The following RERG variants were observed in gnomAD, a reference collection of about 807,000 sequenced individuals.
The protein encoded by RERG is RAS like estrogen regulated growth inhibitor, also known as ras-related and estrogen-regulated growth inhibitor.
A neutral mutation model predicts 23.2 loss-of-function variants in RERG; 25 were observed. That is an observed-to-expected ratio of 1.08 (90% CI 0.79 to 1.50). RERG has a LOEUF of 1.50. Ranked by LOEUF, RERG falls within the 40% of genes most tolerant of loss-of-function variation. RERG has a pLI of 0.00. For synonymous variants in RERG, 81 were observed against 89.1 expected, an observed-to-expected ratio of 0.91 and a Z score of 0.51; for missense variants, 253 against 250.1, an observed-to-expected ratio of 1.01 and a Z score of -0.08.
At chr12:15,216,249 G>A (rs1865439153) in intron 2 of RERG, among the ~76,000 whole-genome samples, 1 of 152,230 alleles carries the variant, frequency 6.6e-6, no homozygotes, top group South Asian at 2.1e-4. Flanking sequence ...ATCTTGTGAA[G>A]GCTGGCAGTT....
intron 2 of RERG, among the ~76,000 whole-genome samples, chr12:15,184,613 A>T (rs547120984): frequency 3.9e-5 from 6 of 152,184 alleles, no homozygotes; most frequent in Non-Finnish European, 8.8e-5. Context: ...AAACCTGGGA[A>T]CACAGTGTGT....
At chr12:15,149,877 C>T (rs1864408527) in intron 2 of RERG, among the ~76,000 whole-genome samples, 1 of 152,242 alleles carries the variant, frequency 6.6e-6, no homozygotes, top group African/African-American at 2.4e-5. Flanking sequence ...ATCCTCGTTT[C>T]GTGACTATGA....
At chr12:15,159,792 C>A (rs1231122044) in intron 2 of RERG, among the ~76,000 whole-genome samples, 1 of 152,122 alleles carries the variant, frequency 6.6e-6, no homozygotes, top group Non-Finnish European at 1.5e-5. Context: ...CCACTGCACT[C>A]CAGCCTGGGC....
rs534546327 is a variant in RERG, at chr12:15,136,356, T to G, written c.62-15237A>C. On this transcript the variant is annotated intron_variant, in intron 2 of 4. Coordinates refer to ENST00000256953, the MANE Select transcript of RERG (RefSeq NM_032918.3). ...TTCAAATAATTAATGTTTAGTTTTGTTAATTTTTCTATAGATATTCTATTT... is the reference window on the plus strand; with the variant it reads ...TTCAAATAATTAATGTTTAGTTTTGGTAATTTTTCTATAGATATTCTATTT... 2.6e-5 allele frequency among the ~76,000 whole-genome samples: 4 copies of G among 152,156 alleles called. No homozygotes were observed. The South Asian group carries it at 8.3e-4, about 32-fold the overall frequency.
intron 4 of RERG, among the ~76,000 whole-genome samples, chr12:15,110,728 T>G (rs1035553092): frequency 2.6e-5 from 4 of 152,090 alleles, no homozygotes; most frequent in African/African-American, 2.4e-5. Context: ...TCTGCCAGCC[T>G]TGGCCTCCCA....
Position 15,155,785 on chromosome 12 carries a change from G to T in RERG, c.62-34666C>A, listed in dbSNP as rs533129855. On this transcript the variant is annotated intron_variant, in intron 2 of 4. Coordinates refer to ENST00000256953, the MANE Select transcript of RERG (RefSeq NM_032918.3). ...TATTCTCCACTAGGGCTACCATGAAGTTTATATTATAGAGCTGGATCTTTC... is the reference window on the plus strand; with the variant it reads ...TATTCTCCACTAGGGCTACCATGAATTTTATATTATAGAGCTGGATCTTTC... 7.9e-5 allele frequency among the ~76,000 whole-genome samples: 12 copies of T among 152,214 alleles called. No individual in the cohort carries two copies. The East Asian group carries it at 1.5e-3, about 20-fold the overall frequency.
intron 2 of RERG, among the ~76,000 whole-genome samples, chr12:15,128,872 G>T (rs1195233366): frequency 6.6e-6 from 1 of 152,052 alleles, no homozygotes; most frequent in Non-Finnish European, 1.5e-5. Flanking sequence ...CCTCCAAATC[G>T]AATTTTCCAA....
At chr12:15,212,681 A>C (rs1344158426) in intron 2 of RERG, among the ~76,000 whole-genome samples, 1 of 152,120 alleles carries the variant, frequency 6.6e-6, no homozygotes, top group Non-Finnish European at 1.5e-5. Flanking sequence ...TAAAACACAA[A>C]ATGTAGTTCT....
chr12:15,214,791 G>C (rs1368278196), intron 2 of RERG, among the ~76,000 whole-genome samples: 2 of 152,158 alleles, frequency 1.3e-5, no homozygotes, highest in African/African-American at 4.8e-5. Flanking sequence ...TGGCTGCAGT[G>C]AGCTATGATC....
At chr12:15,121,002 A>C in intron 3 of RERG, 61 bp downstream of exon 3, 2 of 1,194,790 alleles carry the variant, frequency 1.7e-6, no homozygotes, top group Non-Finnish European at 2.5e-6. Context: ...AGAAAACATT[A>C]TTCTTTCTTT....
intron 2 of RERG, among the ~76,000 whole-genome samples, chr12:15,200,729 C>T (rs1371408340): frequency 6.6e-6 from 1 of 151,950 alleles, no homozygotes; most frequent in Non-Finnish European, 1.5e-5. Context: ...ATTTTGAACA[C>T]ATATCATCAT....
intron 2 of RERG, among the ~76,000 whole-genome samples, chr12:15,210,604 A>G (rs1456293353): frequency 6.6e-6 from 1 of 151,958 alleles, no homozygotes; most frequent in Non-Finnish European, 1.5e-5. Flanking sequence ...TTATTTTCCT[A>G]TGCCCTCTTA....
chr12:15,199,117 A>G (rs12366317), intron 2 of RERG, among the ~76,000 whole-genome samples: 17,640 of 152,136 alleles, frequency 0.12, 1,058 homozygotes, highest in Middle Eastern at 0.15. Flanking sequence ...AAGGTCCTCA[A>G]TATTCTCAAC....
chr12:15,169,920 ATGTGTGTGTGTG>A lies in RERG; in HGVS notation c.61+47497_61+47508del, dbSNP rs61079713. On this transcript the variant is annotated intron_variant, in intron 2 of 4. Transcript: ENST00000256953. ...GAAGGACACACGTCATCTGCTAAAA[ATGTGTGTGTGTG>A]TGTGTGTGTGTGTGTGTGTGTGTGT... 6.2e-4 allele frequency among the ~76,000 whole-genome samples: 85 copies of A among 137,694 alleles called. 1 individual carries two copies. Among genetic ancestry groups the A allele is most frequent in the South Asian group, 2.9e-3 (12 of 4,090 alleles). 90.3% of individuals were successfully genotyped at this position (137,694 alleles called of 152,430 possible).
At chr12:15,122,635 T>C (rs187950149) in intron 2 of RERG, among the ~76,000 whole-genome samples, 53 of 152,334 alleles carry the variant, frequency 3.5e-4, no homozygotes, top group Admixed American at 5.9e-4. Context: ...GAGTCTGTCA[T>C]TGTCATTCTC....
intron 4 of RERG, among the ~76,000 whole-genome samples, chr12:15,110,406 A>G (rs1863583318): frequency 1.3e-5 from 2 of 148,502 alleles, no homozygotes; most frequent in African/African-American, 5.0e-5. Flanking sequence ...GTCACAGGTA[A>G]TTGATAAAGT....
chr12:15,199,694 C>G (rs1267879604), intron 2 of RERG, among the ~76,000 whole-genome samples: 1 of 152,084 alleles, frequency 6.6e-6, no homozygotes, highest in Non-Finnish European at 1.5e-5. Flanking sequence ...CACACACTCA[C>G]TCATATACAC....
chr12:15,138,436 A>C (rs1188318411), intron 2 of RERG, among the ~76,000 whole-genome samples: 1 of 151,884 alleles, frequency 6.6e-6, no homozygotes, highest in Non-Finnish European at 1.5e-5. Flanking sequence ...GAGCTCAGAG[A>C]TTTTTTTCCT....
At chr12:15,117,770 G>C (rs12300674) in intron 3 of RERG, among the ~76,000 whole-genome samples, 27,984 of 151,874 alleles carry the variant, frequency 0.18, 3,182 homozygotes, top group South Asian at 0.34. Context: ...CATTCTTAGA[G>C]GGTAATATGA....
Sources: allele counts gnomAD v4.1 joint callset (sites outside exome capture counted in the v4.1 genomes callset), GRCh38; gene constraint gnomAD v4.1.1; transcripts MANE v1.5; gene names NCBI Gene and HGNC (gene_info 2026-07-23, HGNC 2026-07-21).